Variants in TPTE2 observed in about 807,000 individuals in gnomAD.
TPTE2 encodes phosphatidylinositol 3,4,5-trisphosphate 3-phosphatase TPTE2.
TPTE2 carries 53 observed loss-of-function variants against 78.6 expected under a neutral mutation model. The ratio of observed to expected loss-of-function variants is 0.67; its 90% CI spans 0.54 to 0.85. The LOEUF (loss-of-function observed/expected upper bound fraction) is 0.85, where lower values mean the gene tolerates loss of function less well. TPTE2 is among the 40% of genes least tolerant of loss of function. The probability of loss-of-function intolerance (pLI) is 0.00; values close to 1 mark genes in which losing one functional copy is unlikely to be tolerated. For synonymous variants in TPTE2, 175 were observed against 206.2 expected (o/e 0.85, Z 1.30); for missense variants, 461 against 623.0 (o/e 0.74, Z 2.77).
intron 13 of TPTE2, among the ~76,000 whole-genome samples, chr13:19,442,465 A>G (rs1297638147): frequency 6.6e-6 from 1 of 152,138 alleles, no homozygotes; most frequent in Non-Finnish European, 1.5e-5. Context: ...AATCGTAAAT[A>G]GAAAAGAGAG....
At chr13:19,431,057 G>A (rs1876555048) in intron 16 of TPTE2, among the ~76,000 whole-genome samples, 1 of 149,264 alleles carries the variant, frequency 6.7e-6, no homozygotes, top group Non-Finnish European at 1.5e-5. Flanking sequence ...AACCCGGGAG[G>A]CAGAGGCTGC....
At chr13:19,438,290 G>A (rs1395972326) in intron 13 of TPTE2, 137 bp from the exon 17 acceptor site, 2 of 1,325,358 alleles carry the variant, frequency 1.5e-6, no homozygotes, top group Non-Finnish European at 9.7e-7. Flanking sequence ...AGGCTGGAGT[G>A]CAGTGGCACA....
chr13:19,440,001 G>C (rs940124281), intron 13 of TPTE2, among the ~76,000 whole-genome samples: 6 of 152,156 alleles, frequency 3.9e-5, no homozygotes, highest in African/African-American at 1.4e-4. Context: ...TAGAGAGAAA[G>C]AGAAAAAGAA....
chr13:19,428,926 T>C (rs755868782), intron 17 of TPTE2, among the ~76,000 whole-genome samples: 1 of 152,136 alleles, frequency 6.6e-6, no homozygotes, highest in Non-Finnish European at 1.5e-5. Flanking sequence ...AAGAGAGAAG[T>C]TGTTGAAAAA....
chr13:19,431,536 C>T (rs1876601745), intron 16 of TPTE2, among the ~76,000 whole-genome samples: 1 of 152,038 alleles, frequency 6.6e-6, no homozygotes, highest in Non-Finnish European at 1.5e-5. Context: ...TTTTAATAAA[C>T]TAGTGTATTA....
the TPTE2 span, chr13:19,560,424 A>T: frequency 6.2e-7 from 1 of 1,609,108 alleles, no homozygotes; most frequent in African/African-American, 1.3e-5. Context: ...CTAAGTCCTC[A>T]GCGAAGGCCA....
chr13:19,447,720 T>A (rs541142201), intron 13 of TPTE2, among the ~76,000 whole-genome samples: 72 of 152,332 alleles, frequency 4.7e-4, no homozygotes, highest in African/African-American at 1.3e-3. Context: ...TTATTTATGT[T>A]TGGCAAAATT....
At chr13:19,533,209 T>C (rs2137750518) in intron 1 of TPTE2, among the ~76,000 whole-genome samples, 1 of 152,302 alleles carries the variant, frequency 6.6e-6, no homozygotes, top group East Asian at 1.9e-4. Context: ...ATTAAGAGTG[T>C]CCACTCATTT....
chr13:19,561,303 C>G, the TPTE2 span: 22 of 882,602 alleles, frequency 2.5e-5, no homozygotes, highest in South Asian at 1.8e-4. Flanking sequence ...CCCAGCATGC[C>G]GATCCCAGGC....
exon 17 of TPTE2, chr13:19,430,540 T>A: frequency 1.2e-6 from 2 of 1,610,374 alleles, no homozygotes; most frequent in Non-Finnish European, 1.7e-6. Flanking sequence ...TTAGATCACA[T>A]ACATCACCTG....
the TPTE2 span, chr13:19,560,511 C>T: frequency 6.3e-7 from 1 of 1,589,454 alleles, no homozygotes; most frequent in African/African-American, 1.3e-5. Flanking sequence ...GCAGTACTGA[C>T]ATCTGGTCAG....
chr13:19,559,653 GCATCA>G, the TPTE2 span, among the ~76,000 whole-genome samples: 3 of 151,564 alleles, frequency 2.0e-5, no homozygotes, highest in African/African-American at 7.3e-5. Context: ...AGCAGCAAAA[GCATCA>G]CCCACTGGGA....
chr13:19,493,208 G>A (rs543528984), intron 2 of TPTE2, among the ~76,000 whole-genome samples: 79 of 151,834 alleles, frequency 5.2e-4, no homozygotes, highest in South Asian at 2.3e-3. Context: ...CTATGGCCAT[G>A]CAGGCTCCTG....
the TPTE2 span, chr13:19,560,664 C>T: frequency 6.5e-7 from 1 of 1,546,366 alleles, no homozygotes. Flanking sequence ...CATAGAGCTT[C>T]TCAGGCTCAA....
intron 19 of TPTE2, 101 bp from the exon 23 acceptor site, chr13:19,423,265 C>T (rs1053762853): frequency 1.2e-6 from 1 of 838,770 alleles, no homozygotes; most frequent in Admixed American, 3.3e-5. Context: ...AAAAAAACCT[C>T]ACCATGAATA....
the TPTE2 span, among the ~76,000 whole-genome samples, chr13:19,544,244 A>T: frequency 6.6e-6 from 1 of 152,064 alleles, no homozygotes; most frequent in Non-Finnish European, 1.5e-5. Context: ...CTTAAACACA[A>T]CATAGGTAGA....
At chr13:19,538,243 C>T (rs999999418), upstream of TPTE2, among the ~76,000 whole-genome samples, 11 of 152,044 alleles carry the variant, frequency 7.2e-5, no homozygotes, top group Admixed American at 1.3e-4. Flanking sequence ...CTTTTTGAGA[C>T]GGAGTCTCAC....
At chr13:19,544,203 ACCAACT>A in the TPTE2 span, among the ~76,000 whole-genome samples, 2 of 152,112 alleles carry the variant, frequency 1.3e-5, no homozygotes, top group African/African-American at 4.8e-5. Context: ...AAAAACATGA[ACCAACT>A]ATATGCTGTT....
chr13:19,450,214 C>A (rs752373160), intron 12 of TPTE2, 49 bp downstream of exon 15: 2 of 1,610,422 alleles, frequency 1.2e-6, no homozygotes, highest in Non-Finnish European at 1.7e-6. Flanking sequence ...AAAAATCAAG[C>A]CCAATATATT....
Sources: gnomAD v4.1 joint callset for allele counts (sites outside exome capture counted in the v4.1 genomes callset) on GRCh38, gnomAD v4.1.1 for gene constraint, MANE v1.5 for transcripts, NCBI Gene and HGNC (gene_info 2026-07-23, HGNC 2026-07-21) for gene names.